FTCDNL1: variants seen among roughly 807,000 people sequenced by gnomAD.
The protein encoded by FTCDNL1 is formiminotransferase cyclodeaminase N-terminal like, also known as formiminotransferase N-terminal subdomain-containing protein.
FTCDNL1 carries 11 observed loss-of-function variants against 5.9 expected under a neutral mutation model. The observed-to-expected ratio is 1.87, with a 90% CI of 1.18 to 3.10. FTCDNL1 has a LOEUF of 3.10. Ranked by LOEUF, FTCDNL1 falls within the 30% of genes most tolerant of loss-of-function variation. The pLI is 0.00. For synonymous variants in FTCDNL1, 58 were observed against 24.8 expected, an observed-to-expected ratio of 2.34 and a Z score of -3.99; for missense variants, 115 against 65.5, an observed-to-expected ratio of 1.76 and a Z score of -2.61.
chr2:199,682,739 T>C, the FTCDNL1 span, among the ~76,000 whole-genome samples: 1 of 152,176 alleles, frequency 6.6e-6, no homozygotes, highest in Non-Finnish European at 1.5e-5. Context: ...TAAAGACATA[T>C]GTATTAAGTG....
the FTCDNL1 span, among the ~76,000 whole-genome samples, chr2:199,681,252 G>A: frequency 2.6e-5 from 4 of 151,954 alleles, no homozygotes; most frequent in Admixed American, 2.0e-4. Flanking sequence ...TCAGGAGTTC[G>A]AGACCAGCCT....
chr2:199,850,185 C>T (rs937218202), intron 1 of FTCDNL1, among the ~76,000 whole-genome samples: 6 of 152,138 alleles, frequency 3.9e-5, no homozygotes, highest in Non-Finnish European at 7.3e-5. Flanking sequence ...ACTGAAAATT[C>T]ATAAAAATTC....
intron 3 of FTCDNL1, among the ~76,000 whole-genome samples, chr2:199,801,803 C>T (rs1339994113): frequency 6.6e-6 from 1 of 151,262 alleles, no homozygotes; most frequent in Admixed American, 6.6e-5. Context: ...CCAGGCGTAG[C>T]GCCGGGTGCC....
intron 3 of FTCDNL1, among the ~76,000 whole-genome samples, chr2:199,781,265 C>T (rs1305219055): frequency 6.6e-6 from 1 of 152,200 alleles, no homozygotes; most frequent in Admixed American, 6.5e-5. Flanking sequence ...GCAAAATTCT[C>T]AAGCGTGGAA....
chr2:199,706,165 A>G, the FTCDNL1 span, among the ~76,000 whole-genome samples: 2 of 152,154 alleles, frequency 1.3e-5, no homozygotes, highest in Non-Finnish European at 2.9e-5. Flanking sequence ...TATTCCCTGA[A>G]TACAGGAAGT....
chr2:199,745,740 T>C, the FTCDNL1 span, among the ~76,000 whole-genome samples: 2 of 152,214 alleles, frequency 1.3e-5, no homozygotes, highest in African/African-American at 2.4e-5. Context: ...TATAACTCCA[T>C]TGTACTGGTT....
chr2:199,735,115 G>GAAAAAAAAAAAAAAA, the FTCDNL1 span, among the ~76,000 whole-genome samples: 1 of 81,598 alleles, frequency 1.2e-5, no homozygotes, highest in Non-Finnish European at 2.4e-5. Context: ...ACTACCTTTA[G>GAAAAAAAAAAAAAAA]AAAAAAAAAA....
the FTCDNL1 span, among the ~76,000 whole-genome samples, chr2:199,731,461 A>C: frequency 9.8e-5 from 15 of 152,362 alleles, no homozygotes; most frequent in African/African-American, 3.6e-4. Flanking sequence ...TGAAGTTAGG[A>C]ACAATGTAAT....
At chr2:199,698,315 A>G in the FTCDNL1 span, among the ~76,000 whole-genome samples, 1 of 152,198 alleles carries the variant, frequency 6.6e-6, no homozygotes, top group Admixed American at 6.5e-5. Flanking sequence ...ACTTCACCCA[A>G]CAACAACAGA....
At chr2:199,771,786 A>G (rs1698822726) in intron 3 of FTCDNL1, among the ~76,000 whole-genome samples, 1 of 152,176 alleles carries the variant, frequency 6.6e-6, no homozygotes, top group South Asian at 2.1e-4. Flanking sequence ...ATTTTAAGAG[A>G]ATACTACCTA....
chr2:199,772,535 C>G (rs1698865105), intron 3 of FTCDNL1, among the ~76,000 whole-genome samples: 1 of 152,094 alleles, frequency 6.6e-6, no homozygotes, highest in South Asian at 2.1e-4. Flanking sequence ...CACAGGAGCC[C>G]TAATCCTCCC....
At position 199,810,096 on chromosome 2, in the gene FTCDNL1, C is replaced by T. The variant is rs1242157721; in HGVS notation, c.*2609G>A. On this transcript the variant is annotated 3_prime_UTR_variant, in exon 5 of 5. Coordinates refer to ENST00000420128, the MANE Select transcript of FTCDNL1 (RefSeq NM_001363886.2). ...AAATACCAACAGAGAAAGAAAAGCA[C>T]GGTTAAGAGCTAAGCGTCATCAGCA... Among the ~76,000 whole-genome samples, 4 of 151,798 alleles carry T rather than the reference C, an allele frequency of 2.6e-5. No homozygotes were observed. The highest frequency in any genetic ancestry group is 6.6e-5 in the Admixed American group (1 of 15,212).
intron 3 of FTCDNL1, among the ~76,000 whole-genome samples, chr2:199,798,086 G>A (rs996608112): frequency 5.9e-5 from 9 of 152,164 alleles, no homozygotes; most frequent in Admixed American, 5.2e-4. Context: ...CACATAAGTT[G>A]AGCCAGACTT....
At chr2:199,697,727 C>A in the FTCDNL1 span, among the ~76,000 whole-genome samples, 1 of 152,154 alleles carries the variant, frequency 6.6e-6, no homozygotes. Flanking sequence ...ACAATCAACT[C>A]TACATAACAA....
At chr2:199,789,132 A>T (rs746920337) in intron 3 of FTCDNL1, among the ~76,000 whole-genome samples, 1 of 152,118 alleles carries the variant, frequency 6.6e-6, no homozygotes, top group African/African-American at 2.4e-5. Context: ...AAAGTTCTTG[A>T]ATTTATTTTA....
chr2:199,713,338 T>C, the FTCDNL1 span, among the ~76,000 whole-genome samples: 2 of 152,038 alleles, frequency 1.3e-5, no homozygotes, highest in Admixed American at 1.3e-4. Flanking sequence ...ACATTGGACA[T>C]CAAGGAACAA....
rs370579816 is a variant in FTCDNL1 at position 199,841,506 on chromosome 2, C to T, written c.211+4569G>A. Among the ~76,000 whole-genome samples the T allele has an allele frequency of 5.3e-5, 8 of 152,136 alleles. No homozygotes were observed. The East Asian group carries it at 1.5e-3, about 29-fold the overall frequency. On this transcript the variant is annotated intron_variant, in intron 3 of 4. Transcript: ENST00000420128. ...CCTGAGCTCTAAACTGTATAACCAA[C>T]CATCCCCTCAATATATTTATATCAA...
chr2:199,820,047 T>A (rs1046049887), intron 3 of FTCDNL1, among the ~76,000 whole-genome samples: 7 of 152,238 alleles, frequency 4.6e-5, no homozygotes, highest in African/African-American at 1.7e-4. Context: ...GGCTTGAATT[T>A]CTAACCCATT....
At chr2:199,745,015 C>G in the FTCDNL1 span, among the ~76,000 whole-genome samples, 103 of 152,336 alleles carry the variant, frequency 6.8e-4, no homozygotes, top group Non-Finnish European at 1.2e-3. Context: ...CTGTGTCCAC[C>G]GGGCAAACCA....
Sources: allele counts gnomAD v4.1 joint callset (sites outside exome capture counted in the v4.1 genomes callset), GRCh38; gene constraint gnomAD v4.1.1; transcripts MANE v1.5; gene names NCBI Gene and HGNC (gene_info 2026-07-23, HGNC 2026-07-21).